Variants in KSR2 observed in about 807,000 individuals in gnomAD.
KSR2 encodes kinase suppressor of ras 2.
In KSR2, 25 loss-of-function variants were observed where a neutral mutation model predicts 107.8. That is an observed-to-expected ratio of 0.23 (90% confidence interval 0.17 to 0.32). The LOEUF is 0.32. Ranked by LOEUF, KSR2 falls within the 10% of genes least tolerant of loss-of-function variation. The pLI is 1.00. For synonymous variants in KSR2, 480 were observed against 507.0 expected (o/e 0.95, Z 0.71); for missense variants, 887 against 1,268.9 (o/e 0.70, Z 4.57).
chr12:117,926,187 G>C (rs933590561), intron 1 of KSR2, among the ~76,000 whole-genome samples: 4 of 152,154 alleles, frequency 2.6e-5, no homozygotes, highest in African/African-American at 9.7e-5. Context: ...GATAGAGTGA[G>C]ACTCCGTCTC....
intron 4 of KSR2, 75 bp from the exon 5 acceptor site, chr12:117,667,733 C>T: frequency 4.7e-6 from 6 of 1,289,068 alleles, no homozygotes; most frequent in South Asian, 1.6e-5. Flanking sequence ...GAGGCCCAGC[C>T]TTGTGTTTCC....
chr12:117,469,499 C>A (rs1871313367), intron 19 of KSR2, among the ~76,000 whole-genome samples, 163 bp downstream of exon 19: 1 of 152,092 alleles, frequency 6.6e-6, no homozygotes, highest in African/African-American at 2.4e-5. Flanking sequence ...CCAAAACAGA[C>A]TCCATTGAAC....
intron 4 of KSR2, among the ~76,000 whole-genome samples, chr12:117,700,867 C>G (rs1046793404): frequency 6.6e-5 from 10 of 152,096 alleles, no homozygotes; most frequent in African/African-American, 2.4e-4. Flanking sequence ...AGGGCAACAC[C>G]GAATAAATGA....
chr12:117,544,325 T>C (rs1050588735), intron 9 of KSR2, among the ~76,000 whole-genome samples: 3 of 152,168 alleles, frequency 2.0e-5, no homozygotes, highest in Admixed American at 1.3e-4. Context: ...TATATAGAAA[T>C]ATAACTGATT....
intron 14 of KSR2, among the ~76,000 whole-genome samples, chr12:117,498,763 G>A (rs1293691762): frequency 2.6e-5 from 4 of 152,148 alleles, no homozygotes; most frequent in African/African-American, 4.8e-5. Flanking sequence ...CACAAGATCC[G>A]ATGGCTTTAT....
At chr12:117,751,407 A>G (rs1270555463) in intron 4 of KSR2, among the ~76,000 whole-genome samples, 1 of 152,196 alleles carries the variant, frequency 6.6e-6, no homozygotes, top group Non-Finnish European at 1.5e-5. Flanking sequence ...TCTGCATGAG[A>G]ATTTAACCCT....
chr12:117,942,320 G>T (rs1250564892), intron 1 of KSR2, among the ~76,000 whole-genome samples: 5 of 151,938 alleles, frequency 3.3e-5, no homozygotes, highest in South Asian at 2.1e-4. Context: ...TCAAACACTC[G>T]ATCTTATTCC....
intron 4 of KSR2, among the ~76,000 whole-genome samples, chr12:117,673,142 T>C (rs1321076360): frequency 1.3e-5 from 2 of 152,094 alleles, no homozygotes; most frequent in South Asian, 4.1e-4. Context: ...AGTCAATCTG[T>C]TTTACCAACC....
rs150152917 is a variant in KSR2 at position 117,767,388 on chromosome 12, G to C, written c.473-5864C>G. On this transcript the variant is annotated intron_variant, in intron 3 of 19. Coordinates refer to ENST00000339824, the MANE Select transcript of KSR2 (RefSeq NM_173598.6). The stretch of plus-strand genomic sequence containing the variant: ...GGAGGCGGAGGTTGCAGTGAGCCGA[G>C]ATCGCTCCACTGCACTCCAGCCTGG... Among the ~76,000 whole-genome samples the C allele has an allele frequency of 1.2e-3, 175 of 151,268 alleles. 4 individuals carry two copies. The East Asian group carries it at 0.026, about 23-fold the overall frequency.
chr12:117,886,803 A>T (rs1201479129), intron 1 of KSR2, among the ~76,000 whole-genome samples: 1 of 152,102 alleles, frequency 6.6e-6, no homozygotes, highest in East Asian at 1.9e-4. Context: ...TAATTGTTAC[A>T]TCCTTCTTTT....
chr12:117,791,368 T>G (rs762638583), intron 3 of KSR2, among the ~76,000 whole-genome samples: 2 of 152,174 alleles, frequency 1.3e-5, no homozygotes, highest in Non-Finnish European at 2.9e-5. Flanking sequence ...CCCTGAGTCA[T>G]TCTCTGATAT....
intron 5 of KSR2, among the ~76,000 whole-genome samples, chr12:117,659,044 A>G (rs10735111): frequency 0.91 from 139,136 of 152,188 alleles, 63,801 homozygotes; most frequent in East Asian, 0.99. Flanking sequence ...ATAGAAATCA[A>G]CTGATGTTTT....
At position 117,697,889 on chromosome 12, in the gene KSR2, T is replaced by A. The variant is rs1886138068; in HGVS notation, c.987-30231A>T. Among the ~76,000 whole-genome samples the A allele has an allele frequency of 2.0e-5, 3 of 151,956 alleles. No homozygotes were observed. The South Asian group carries it at 6.2e-4, about 32-fold the overall frequency. ...TCATTGCAGCTGTAATTAGTTAAAT[T>A]TAGATGAGTTCATAACTGGAGTAGG... On this transcript the variant is annotated intron_variant, in intron 4 of 19. Coordinates refer to ENST00000339824, the MANE Select transcript of KSR2 (RefSeq NM_173598.6).
chr12:117,645,964 T>C (rs1883615472), intron 5 of KSR2, among the ~76,000 whole-genome samples: 1 of 151,252 alleles, frequency 6.6e-6, no homozygotes, highest in East Asian at 1.9e-4. Flanking sequence ...ACACCCCACA[T>C]ATACCAAAAT....
rs534862878 is a variant in KSR2, at chr12:117,966,315, GTTAT to G, written c.180+1757_180+1760del. On this transcript the variant is annotated intron_variant, in intron 1 of 19. Coordinates refer to ENST00000339824, the MANE Select transcript of KSR2 (RefSeq NM_173598.6). ...AGAGAGCTCAGGTGGCTTTTTTGGGGTTATTTATTGACTGCATGCAGGTCTGAAG... is the reference window on the plus strand; with the variant it reads ...AGAGAGCTCAGGTGGCTTTTTTGGGGTTATTGACTGCATGCAGGTCTGAAG... 1.4e-4 allele frequency among the ~76,000 whole-genome samples: 22 copies of G among 152,276 alleles called. No homozygotes were observed. The South Asian group carries it at 3.7e-3, about 26-fold the overall frequency.
chr12:117,790,561 G>A, intron 3 of KSR2, among the ~76,000 whole-genome samples: 1 of 152,176 alleles, frequency 6.6e-6, no homozygotes. Flanking sequence ...ACATTGCCAG[G>A]GTGAAATTCA....
At chr12:117,786,486 C>T (rs142627276) in intron 3 of KSR2, among the ~76,000 whole-genome samples, 2 of 152,162 alleles carry the variant, frequency 1.3e-5, no homozygotes, top group African/African-American at 2.4e-5. Flanking sequence ...CTCCTCCCAC[C>T]CTCCACCCTT....
At chr12:117,843,771 A>G (rs1329467497) in intron 3 of KSR2, among the ~76,000 whole-genome samples, 1 of 152,168 alleles carries the variant, frequency 6.6e-6, no homozygotes, top group African/African-American at 2.4e-5. Context: ...GGCAATAGCC[A>G]CAAAGGGCCA....
intron 4 of KSR2, among the ~76,000 whole-genome samples, chr12:117,669,685 T>C (rs867531531): frequency 4.6e-5 from 7 of 151,920 alleles, no homozygotes; most frequent in Middle Eastern, 6.8e-3. Context: ...CTGGGCAACA[T>C]AGCAAGACCC....
Sources: gnomAD v4.1 joint callset for allele counts (sites outside exome capture counted in the v4.1 genomes callset) on GRCh38, gnomAD v4.1.1 for gene constraint, MANE v1.5 for transcripts, NCBI Gene and HGNC (gene_info 2026-07-23, HGNC 2026-07-21) for gene names.